NRG1: variants seen among roughly 807,000 people sequenced by gnomAD.
NRG1 encodes the protein pro-neuregulin-1, membrane-bound isoform.
Under a neutral mutation model 63.8 loss-of-function variants are expected in NRG1, and 18 were observed. That is an observed-to-expected ratio of 0.28 (90% CI 0.19 to 0.42). The LOEUF (loss-of-function observed/expected upper bound fraction) is 0.42, where lower values mean the gene tolerates loss of function less well. Ranked by LOEUF, NRG1 falls within the 10% of genes least tolerant of loss-of-function variation. The probability of loss-of-function intolerance (pLI) is 1.00; values close to 1 mark genes in which losing one functional copy is unlikely to be tolerated. For synonymous variants in NRG1, 302 were observed against 301.3 expected, an observed-to-expected ratio of 1.00 and a Z score of -0.02; for missense variants, 762 against 814.7, an observed-to-expected ratio of 0.94 and a Z score of 0.79.
At chr8:32,294,216 A>G (rs117504566) in intron 1 of NRG1, among the ~76,000 whole-genome samples, 2 of 152,050 alleles carry the variant, frequency 1.3e-5, no homozygotes, top group East Asian at 3.9e-4. Flanking sequence ...TCCCACTCAC[A>G]TGGAGCAGGT....
At chr8:32,586,333 G>A (rs1436201830) in intron 1 of NRG1, among the ~76,000 whole-genome samples, 1 of 151,958 alleles carries the variant, frequency 6.6e-6, no homozygotes, top group Non-Finnish European at 1.5e-5. Context: ...TAACTGTGAA[G>A]TACAGGGCAA....
At chr8:32,091,155 G>C (rs966047878) in intron 1 of NRG1, among the ~76,000 whole-genome samples, 5 of 151,722 alleles carry the variant, frequency 3.3e-5, no homozygotes, top group Admixed American at 2.6e-4. Flanking sequence ...GCGGGTGCCT[G>C]TAGTCCCAGC....
intron 1 of NRG1, among the ~76,000 whole-genome samples, chr8:32,176,541 G>A (rs1408077491): frequency 1.3e-5 from 2 of 152,034 alleles, no homozygotes; most frequent in African/African-American, 4.8e-5. Context: ...TAAACAGGCA[G>A]CCTACAGAAT....
At chr8:32,233,563 A>ATATATATATATATATATATATAT (rs34593729) in intron 1 of NRG1, among the ~76,000 whole-genome samples, 1 of 67,260 alleles carries the variant, frequency 1.5e-5, no homozygotes, top group African/African-American at 7.8e-5. Flanking sequence ...ATATATATAT[A>ATATATATATATATATATATATAT]TTTTTTTTTT....
At chr8:32,180,686 T>C (rs1354705804) in intron 1 of NRG1, among the ~76,000 whole-genome samples, 1 of 152,168 alleles carries the variant, frequency 6.6e-6, no homozygotes, top group Admixed American at 6.5e-5. Context: ...CATTGCTATA[T>C]GTATACATTG....
At chr8:31,735,301 A>T (rs1814549575) in intron 1 of NRG1, among the ~76,000 whole-genome samples, 2 of 152,130 alleles carry the variant, frequency 1.3e-5, no homozygotes, top group African/African-American at 4.8e-5. Context: ...AGAGGAGTAG[A>T]TTTATTTAAG....
intron 1 of NRG1, among the ~76,000 whole-genome samples, chr8:32,420,849 T>C (rs1816624612): frequency 1.3e-5 from 2 of 152,148 alleles, no homozygotes; most frequent in Admixed American, 1.3e-4. Flanking sequence ...CGGGACCAGG[T>C]TGAGGTAATT....
chr8:31,757,785 G>T (rs1056041635), intron 1 of NRG1, among the ~76,000 whole-genome samples: 1 of 152,072 alleles, frequency 6.6e-6, no homozygotes, highest in Non-Finnish European at 1.5e-5. Context: ...AATAAAATAT[G>T]AGAGTTAAAG....
chr8:32,221,924 T>C (rs1845855153), intron 1 of NRG1, among the ~76,000 whole-genome samples: 1 of 152,186 alleles, frequency 6.6e-6, no homozygotes, highest in South Asian at 2.1e-4. Flanking sequence ...CTTACAATTC[T>C]TTACTTGTCT....
chr8:31,899,197 G>A (rs1255235247), intron 1 of NRG1, among the ~76,000 whole-genome samples: 2 of 151,650 alleles, frequency 1.3e-5, no homozygotes, highest in Non-Finnish European at 2.9e-5. Context: ...TCAACCTCCT[G>A]GGCTCAAGTG....
intron 1 of NRG1, among the ~76,000 whole-genome samples, chr8:32,013,072 G>A (rs1215225761): frequency 1.3e-5 from 2 of 152,014 alleles, no homozygotes; most frequent in Admixed American, 1.3e-4. Flanking sequence ...TGTCATCAGG[G>A]AAGAGTCTTT....
intron 1 of NRG1, among the ~76,000 whole-genome samples, chr8:32,295,535 G>T (rs1278488235): frequency 6.6e-6 from 1 of 152,168 alleles, no homozygotes; most frequent in Non-Finnish European, 1.5e-5. Context: ...ACACTTTCTG[G>T]TAGAATTTTC....
At chr8:31,751,701 A>T (rs921624202) in intron 1 of NRG1, among the ~76,000 whole-genome samples, 2 of 151,966 alleles carry the variant, frequency 1.3e-5, no homozygotes, top group Non-Finnish European at 2.9e-5. Flanking sequence ...AAACAGTGGT[A>T]GCTTAGATGG....
rs1283667208 is a variant in NRG1, at chr8:31,640,259, G to C, written c.37+828G>C. 2 of 1,141,324 alleles carry C rather than the reference G, an allele frequency of 1.8e-6. No homozygotes were observed. Among genetic ancestry groups the C allele is most frequent in the South Asian group, 4.2e-5 (1 of 23,568 alleles). 70.7% of individuals were successfully genotyped at this position (1,141,324 alleles called of 1,614,324 possible). A position where few individuals can be genotyped will look rare whatever the true frequency, so the allele number is the denominator to read the frequency against. ...GAGGGAAAGGTGCACCCGCAGCGGC[G>C]GCAGCAGGGGGCACTCGACAGGAAG... On this transcript the variant is annotated intron_variant, in intron 1 of 10. Coordinates refer to the NRG1 transcript ENST00000519301. The surrounding 1 kb of genome is among the most constrained non-coding windows in gnomAD (Gnocchi z 6.3).
At chr8:31,791,762 C>T (rs778244772) in intron 1 of NRG1, among the ~76,000 whole-genome samples, 3 of 152,280 alleles carry the variant, frequency 2.0e-5, no homozygotes, top group Admixed American at 6.5e-5. Flanking sequence ...AGTGTCACAG[C>T]TCTGAGTTCA....
chr8:32,579,357 G>A (rs17721043), intron 1 of NRG1, among the ~76,000 whole-genome samples: 31,349 of 152,110 alleles, frequency 0.21, 3,895 homozygotes, highest in Admixed American at 0.34. Context: ...ACTTTAGAGC[G>A]TAACAGCACT....
At chr8:32,366,556 A>G (rs1379484951) in intron 1 of NRG1, among the ~76,000 whole-genome samples, 1 of 151,548 alleles carries the variant, frequency 6.6e-6, no homozygotes, top group Non-Finnish European at 1.5e-5. Flanking sequence ...ATAGTAATCC[A>G]TTGTATGTAT....
At position 32,493,281 on chromosome 8, in the gene NRG1, G is replaced by T. The variant is rs575216650; in HGVS notation, c.38-102547G>T. 5.9e-5 allele frequency among the ~76,000 whole-genome samples: 9 copies of T among 152,124 alleles called. No homozygotes were observed. In the East Asian group the frequency reaches 1.2e-3, roughly 20 times the overall value. ...AAGAAACTGAATGACAGGTTCTGAG[G>T]CCCCTAAGAAGAAAAAACAGAGTCT... On this transcript the variant is annotated intron_variant, in intron 1 of 10. Transcript: ENST00000519301.
At chr8:32,398,378 C>T (rs1332580560) in intron 1 of NRG1, among the ~76,000 whole-genome samples, 4 of 149,994 alleles carry the variant, frequency 2.7e-5, no homozygotes, top group Non-Finnish European at 5.9e-5. Context: ...CAGTGCAGCT[C>T]TGTTTAACAT....
Sources: allele counts gnomAD v4.1 joint callset (sites outside exome capture counted in the v4.1 genomes callset), GRCh38; gene constraint gnomAD v4.1.1; non-coding constraint Gnocchi (gnomAD v3.1); transcripts MANE v1.5; gene names NCBI Gene and HGNC (gene_info 2026-07-23, HGNC 2026-07-21).